The following MET variants were observed in gnomAD, a reference collection of about 807,000 sequenced individuals.
MET encodes MET proto-oncogene, receptor tyrosine kinase, also known as hepatocyte growth factor receptor.
MET carries 48 observed loss-of-function variants against 133.1 expected under a neutral mutation model. The observed-to-expected ratio is 0.36, with a 90% CI of 0.29 to 0.46. The LOEUF is 0.46. Ranked by LOEUF, MET falls within the 20% of genes least tolerant of loss-of-function variation. The pLI, the probability that MET is intolerant of heterozygous loss-of-function variation, is 1.00. For synonymous variants in MET, 628 were observed against 616.5 expected, an observed-to-expected ratio of 1.02 and a Z score of -0.28; for missense variants, 1,442 against 1,695.9, an observed-to-expected ratio of 0.85 and a Z score of 2.63.
intron 2 of MET, among the ~76,000 whole-genome samples, chr7:116,730,673 G>A (rs1431343572): frequency 6.6e-6 from 1 of 152,136 alleles, no homozygotes; most frequent in Non-Finnish European, 1.5e-5. Flanking sequence ...GTATATGGGG[G>A]CGGAGGGAGA....
At chr7:116,778,052 C>G (rs1795047330) in intron 16 of MET, among the ~76,000 whole-genome samples, 1 of 152,112 alleles carries the variant, frequency 6.6e-6, no homozygotes, top group Admixed American at 6.6e-5. Context: ...AAAATTTTAG[C>G]TGTTATTGAG....
rs1796403783 is a variant in MET, at chr7:116,682,636, T to G, written c.-15+10059T>G. 3.3e-5 allele frequency among the ~76,000 whole-genome samples: 5 copies of G among 152,212 alleles called. 1 individual carries two copies. The South Asian group carries it at 1.0e-3, about 32-fold the overall frequency. On this transcript the variant is annotated intron_variant, in intron 1 of 20. Coordinates refer to ENST00000397752, the MANE Select transcript of MET (RefSeq NM_000245.4). The stretch of plus-strand genomic sequence containing the variant: ...AACCTGCCTACTGACAGTGAAGACG[T>G]TCAATGAGAATGGACATTGTGCATT...
intron 19 of MET, among the ~76,000 whole-genome samples, chr7:116,789,047 G>T (rs1350496151): frequency 6.6e-6 from 1 of 152,126 alleles, no homozygotes; most frequent in East Asian, 1.9e-4. Flanking sequence ...GCCCTTATCT[G>T]CCTCATCTTT....
At chr7:116,758,308 C>A (rs1047485150) in intron 8 of MET, 151 bp from the exon 9 acceptor site, 1 of 736,986 alleles carries the variant, frequency 1.4e-6, no homozygotes, top group South Asian at 1.6e-5. Flanking sequence ...GAGATCCAGT[C>A]AGATTAAACA....
At chr7:116,739,111 C>G (rs1268580953) in intron 3 of MET, among the ~76,000 whole-genome samples, 2 of 152,154 alleles carry the variant, frequency 1.3e-5, no homozygotes, top group African/African-American at 4.8e-5. Flanking sequence ...AACTCCAACA[C>G]CCTCCTAAAA....
At chr7:116,734,639 A>C (rs968626758) in intron 3 of MET, among the ~76,000 whole-genome samples, 3 of 152,254 alleles carry the variant, frequency 2.0e-5, no homozygotes, top group African/African-American at 7.2e-5. Context: ...GTCAATGTAG[A>C]TGAAGATTTA....
intron 5 of MET, among the ~76,000 whole-genome samples, chr7:116,741,713 A>G (rs1793462031): frequency 6.6e-6 from 1 of 152,240 alleles, no homozygotes; most frequent in Non-Finnish European, 1.5e-5. Context: ...CAAAGGCTCA[A>G]CGGATGACTA....
intron 2 of MET, among the ~76,000 whole-genome samples, chr7:116,721,648 T>G (rs1312816921): frequency 1.3e-5 from 2 of 152,226 alleles, no homozygotes; most frequent in Non-Finnish European, 2.9e-5. Flanking sequence ...CTCTCCACAC[T>G]GCTTTGAATG....
chr7:116,698,993 A>G, intron 1 of MET, 78 bp from the exon 2 acceptor site: 1 of 1,596,722 alleles, frequency 6.3e-7, no homozygotes, highest in South Asian at 1.1e-5. Flanking sequence ...TTTCTGATAG[A>G]TTAAATGGTA....
intron 3 of MET, 138 bp downstream of exon 3, chr7:116,731,997 A>G: frequency 1.2e-6 from 1 of 817,302 alleles, no homozygotes; most frequent in Non-Finnish European, 2.0e-6. Flanking sequence ...ACTGAAAGCC[A>G]AACAATGAAG....
intron 12 of MET, 106 bp downstream of exon 12, chr7:116,769,897 G>A: frequency 6.6e-7 from 1 of 1,513,634 alleles, no homozygotes; most frequent in Non-Finnish European, 9.1e-7. Context: ...TGTGGGTTTT[G>A]GCTCATCAAC....
At chr7:116,690,626 TA>T (rs1489759350) in intron 1 of MET, among the ~76,000 whole-genome samples, 2 of 152,262 alleles carry the variant, frequency 1.3e-5, no homozygotes, top group African/African-American at 4.8e-5. Context: ...TTGATGATCA[TA>T]ACACTAACTG....
At chr7:116,701,780 A>G (rs1172369826) in intron 2 of MET, among the ~76,000 whole-genome samples, 1 of 152,150 alleles carries the variant, frequency 6.6e-6, no homozygotes, top group African/African-American at 2.4e-5. Context: ...TAAAAATATA[A>G]TATTAATAGC....
intron 10 of MET, among the ~76,000 whole-genome samples, chr7:116,760,588 G>A (rs890278002): frequency 6.6e-6 from 1 of 152,146 alleles, no homozygotes; most frequent in Admixed American, 6.5e-5. Context: ...TCAGGTGATA[G>A]ATTGAATTAC....
intron 15 of MET, among the ~76,000 whole-genome samples, chr7:116,775,722 T>TATAA (rs1794973822): frequency 6.6e-6 from 1 of 152,012 alleles, no homozygotes; most frequent in Non-Finnish European, 1.5e-5. Flanking sequence ...AATAAATACT[T>TATAA]ATAAATAAAT....
At chr7:116,747,380 C>G (rs953816066) in intron 5 of MET, among the ~76,000 whole-genome samples, 1 of 152,072 alleles carries the variant, frequency 6.6e-6, no homozygotes, top group African/African-American at 2.4e-5. Flanking sequence ...TTCAGGAGAC[C>G]CATCTCACGT....
At chr7:116,774,154 A>G (rs1794917277) in intron 14 of MET, among the ~76,000 whole-genome samples, 1 of 152,204 alleles carries the variant, frequency 6.6e-6, no homozygotes, top group East Asian at 1.9e-4. Context: ...TGAAATAAAA[A>G]AAAAAATTCT....
At chr7:116,681,938 C>T (rs200592302) in intron 1 of MET, among the ~76,000 whole-genome samples, 1 of 144,860 alleles carries the variant, frequency 6.9e-6, no homozygotes, top group African/African-American at 2.5e-5. Context: ...AGATTGTTGA[C>T]AAAAAAAAAA....
intron 5 of MET, among the ~76,000 whole-genome samples, chr7:116,745,206 G>A (rs1448874389): frequency 6.6e-6 from 1 of 152,034 alleles, no homozygotes; most frequent in Non-Finnish European, 1.5e-5. Flanking sequence ...AAAATACCTA[G>A]GAATCCAACT....
Sources: allele counts gnomAD v4.1 joint callset (sites outside exome capture counted in the v4.1 genomes callset), GRCh38; gene constraint gnomAD v4.1.1; transcripts MANE v1.5; gene names NCBI Gene and HGNC (gene_info 2026-07-23, HGNC 2026-07-21).